The following CHRM3 variants were observed in gnomAD, a reference collection of about 807,000 sequenced individuals.
CHRM3 encodes muscarinic acetylcholine receptor M3.
In CHRM3, 11 loss-of-function variants were observed where a neutral mutation model predicts 41.8. The ratio of observed to expected loss-of-function variants is 0.26; its 90% CI spans 0.17 to 0.44. The LOEUF is 0.44. Ranked by LOEUF, CHRM3 falls within the 20% of genes least tolerant of loss-of-function variation. CHRM3 has a pLI of 1.00. For synonymous variants in CHRM3, 297 were observed against 301.4 expected (o/e 0.99, Z 0.15); for missense variants, 571 against 745.4 (o/e 0.77, Z 2.72).
At position 239,618,276 on chromosome 1, in the gene CHRM3, T is replaced by C. The variant is rs1364695483; in HGVS notation, c.-312-13948T>C. Among the ~76,000 whole-genome samples the C allele has an allele frequency of 5.9e-5, 8 of 136,122 alleles. No homozygotes were observed. The East Asian group carries it at 1.3e-3, about 21-fold the overall frequency. 89.3% of individuals were successfully genotyped at this position (136,122 alleles called of 152,430 possible). A position where few individuals can be genotyped will look rare whatever the true frequency, so the allele number is the denominator to read the frequency against. On this transcript the variant is annotated intron_variant, in intron 3 of 6. Coordinates refer to ENST00000676153, the MANE Select transcript of CHRM3 (RefSeq NM_001375978.1). ...AGAGTAGGAGTACTTTTTTTTTCTTTCTTTTTTTTTTTTTTTTTTAATGAC... is the reference window on the plus strand; with the variant it reads ...AGAGTAGGAGTACTTTTTTTTTCTTCCTTTTTTTTTTTTTTTTTTAATGAC...
chr1:239,853,333 A>C (rs1674852343), intron 6 of CHRM3, among the ~76,000 whole-genome samples: 1 of 151,930 alleles, frequency 6.6e-6, no homozygotes, highest in Non-Finnish European at 1.5e-5. Context: ...GTATTTTTTA[A>C]AATCTGAACT....
At chr1:239,817,850 A>G (rs1278157357) in intron 5 of CHRM3, among the ~76,000 whole-genome samples, 11 of 152,116 alleles carry the variant, frequency 7.2e-5, no homozygotes, top group African/African-American at 2.4e-4. Context: ...CCTTGTTCAC[A>G]TGTCAGGTGC....
At chr1:239,686,823 A>G (rs1395543775) in intron 5 of CHRM3, among the ~76,000 whole-genome samples, 1 of 152,212 alleles carries the variant, frequency 6.6e-6, no homozygotes, top group East Asian at 1.9e-4. Flanking sequence ...CAGAAAGATC[A>G]GCAGAGAGTT....
chr1:239,554,413 T>C (rs561085860), intron 3 of CHRM3, among the ~76,000 whole-genome samples: 1 of 152,044 alleles, frequency 6.6e-6, no homozygotes, highest in East Asian at 1.9e-4. Flanking sequence ...AGGTAGCTGT[T>C]AGAGGTGGGT....
chr1:239,662,118 T>TGC (rs1308019403), intron 4 of CHRM3, among the ~76,000 whole-genome samples: 1 of 150,362 alleles, frequency 6.7e-6, no homozygotes, highest in East Asian at 1.9e-4. Context: ...TGTGTGTGTG[T>TGC]GTGTGTGTGT....
At chr1:239,634,925 A>G (rs1170273883) in intron 4 of CHRM3, among the ~76,000 whole-genome samples, 1 of 152,234 alleles carries the variant, frequency 6.6e-6, no homozygotes, top group African/African-American at 2.4e-5. Flanking sequence ...AATTGAAGGT[A>G]TAAGTTATTC....
At chr1:239,719,227 G>A (rs1193756694) in intron 5 of CHRM3, 2 of 151,982 alleles carry the variant, frequency 1.3e-5, no homozygotes, top group African/African-American at 4.8e-5. Context: ...CTTGTTCTGA[G>A]TGTATCGTTA....
At chr1:239,893,157 T>C (rs997996732) in intron 6 of CHRM3, among the ~76,000 whole-genome samples, 14 of 152,222 alleles carry the variant, frequency 9.2e-5, no homozygotes, top group African/African-American at 2.2e-4. Flanking sequence ...TGAATTAATA[T>C]GTATACACAC....
intron 2 of CHRM3, among the ~76,000 whole-genome samples, chr1:239,524,793 C>T (rs2148288586): frequency 6.6e-6 from 1 of 152,166 alleles, no homozygotes; most frequent in Middle Eastern, 3.4e-3. Flanking sequence ...TAGGTCAGAA[C>T]CTTTTCAAGA....
At chr1:239,445,050 TGG>T (rs934036618) in intron 1 of CHRM3, among the ~76,000 whole-genome samples, 1 of 152,150 alleles carries the variant, frequency 6.6e-6, no homozygotes, top group Admixed American at 6.5e-5. Context: ...GTTATTGGTG[TGG>T]GAGGAATTAT....
intron 5 of CHRM3, among the ~76,000 whole-genome samples, chr1:239,723,630 A>G (rs1489870181): frequency 1.3e-5 from 2 of 151,912 alleles, no homozygotes; most frequent in Non-Finnish European, 2.9e-5. Flanking sequence ...TTAGTACTTC[A>G]TATGTTCTGT....
intron 5 of CHRM3, among the ~76,000 whole-genome samples, chr1:239,729,366 G>A (rs1236782651): frequency 6.6e-6 from 1 of 151,934 alleles, no homozygotes; most frequent in African/African-American, 2.4e-5. Context: ...CCTTGTTTCA[G>A]ATGGAAGCTG....
intron 1 of CHRM3, among the ~76,000 whole-genome samples, chr1:239,465,208 ATC>A (rs1414906225): frequency 6.6e-6 from 1 of 152,186 alleles, no homozygotes; most frequent in African/African-American, 2.4e-5. Context: ...CAAGGTTTCC[ATC>A]TCTCAGTTCA....
chr1:239,502,498 C>T (rs756627704), intron 2 of CHRM3, among the ~76,000 whole-genome samples: 1 of 152,056 alleles, frequency 6.6e-6, no homozygotes, highest in South Asian at 2.1e-4. Flanking sequence ...AGAATTCTCC[C>T]ACACATTCAA....
rs556133012 is a variant in CHRM3, at chr1:239,571,689, G to T, written c.-313+25940G>T. Among the ~76,000 whole-genome samples the T allele has an allele frequency of 7.9e-5, 12 of 152,180 alleles. No individual in the cohort carries two copies. The South Asian group carries it at 1.9e-3, about 24-fold the overall frequency. The stretch of plus-strand genomic sequence containing the variant: ...ATTCTCACAGTGATCTCCGTCTCCT[G>T]CACGTCATTACACTCTCGTGTGCCC... On this transcript the variant is annotated intron_variant, in intron 3 of 6. Transcript: ENST00000676153.
At chr1:239,598,249 C>T (rs754004607) in intron 3 of CHRM3, among the ~76,000 whole-genome samples, 3 of 151,980 alleles carry the variant, frequency 2.0e-5, no homozygotes, top group Non-Finnish European at 4.4e-5. Flanking sequence ...GATTTCGCTG[C>T]CAGTCCAGCA....
At chr1:239,887,043 T>C (rs1294348112) in intron 6 of CHRM3, among the ~76,000 whole-genome samples, 1 of 152,194 alleles carries the variant, frequency 6.6e-6, no homozygotes, top group East Asian at 1.9e-4. Flanking sequence ...TCAGCATTCA[T>C]TCATGTTCCT....
intron 1 of CHRM3, among the ~76,000 whole-genome samples, chr1:239,485,222 C>G (rs1405016667): frequency 6.6e-6 from 1 of 152,150 alleles, no homozygotes; most frequent in Non-Finnish European, 1.5e-5. Flanking sequence ...GGGAATCCAG[C>G]CATCCCAAAG....
At chr1:239,739,541 G>A (rs10802801) in intron 5 of CHRM3, among the ~76,000 whole-genome samples, 55,289 of 151,912 alleles carry the variant, frequency 0.36, 11,034 homozygotes, top group Middle Eastern at 0.49. Flanking sequence ...GGTGAATACT[G>A]AGGTTTCCCA....
Sources: gnomAD v4.1 joint callset for allele counts (sites outside exome capture counted in the v4.1 genomes callset) on GRCh38, gnomAD v4.1.1 for gene constraint, MANE v1.5 for transcripts, NCBI Gene and HGNC (gene_info 2026-07-23, HGNC 2026-07-21) for gene names.